Variants in PKD2L2 observed in about 807,000 individuals in gnomAD.
The protein encoded by PKD2L2 is polycystin-2-like protein 2.
A neutral mutation model predicts 83.9 loss-of-function variants in PKD2L2; 67 were observed. The ratio of observed to expected loss-of-function variants is 0.80; its 90% CI spans 0.66 to 0.98. The LOEUF is 0.98. Among genes scored for constraint, PKD2L2 ranks in the 50% least tolerant of loss-of-function variants. The pLI, the probability that PKD2L2 is intolerant of heterozygous loss-of-function variation, is 0.00. For missense variants in PKD2L2, 632 were observed against 717.2 expected (o/e 0.88, Z 1.36); for synonymous variants, 223 against 237.8 (o/e 0.94, Z 0.57).
chr5:137,899,837 A>T (rs1344168683), intron 5 of PKD2L2, 100 bp downstream of exon 5: 5 of 593,388 alleles, frequency 8.4e-6, no homozygotes, highest in Non-Finnish European at 1.5e-5. Context: ...TTTGAACTGC[A>T]CAGGTCCACT....
intron 8 of PKD2L2, 62 bp downstream of exon 8, chr5:137,909,008 G>A (rs970599708): frequency 1.1e-5 from 10 of 896,580 alleles, no homozygotes; most frequent in African/African-American, 3.4e-5. Context: ...AAATTGGAAA[G>A]GTCTAACCTT....
Position 137,894,490 on chromosome 5 carries a change from A to C in PKD2L2, c.405A>C (p.Lys135Asn). ...GAGTTCCCAGAGTTCGTCAACTAAA[A>C]GTCCGCAACAACACATGCAAAGTCT... The part of the protein sequence containing the change: ...LLGVPRVRQL[K>N]VRNNTCKVYS... Residue 135 changes from lysine (K) to asparagine (N), a missense_variant, in exon 4 of 15, where the codon AAA becomes AAC. Physicochemically the swap from Lys to Asn is moderately conservative, Grantham distance 94. This residue lies in a region of PKD2L2 where 229 missense variants were observed against 281.5 expected (regional missense o/e 0.81). Transcript: ENST00000508883. 1 of 1,614,080 alleles carries C rather than the reference A, an allele frequency of 6.2e-7. No individual in the cohort carries two copies. The highest frequency in any genetic ancestry group is 8.5e-7 in the Non-Finnish European group (1 of 1,179,966).
chr5:137,897,893 A>G (rs957142339), intron 4 of PKD2L2, among the ~76,000 whole-genome samples: 8 of 152,156 alleles, frequency 5.3e-5, no homozygotes, highest in Admixed American at 3.3e-4. Flanking sequence ...GAGAGACTGA[A>G]ATGAGGAATC....
intron 14 of PKD2L2, chr5:137,940,529 T>G (rs1761371135): frequency 1.8e-6 from 1 of 545,922 alleles, no homozygotes; most frequent in Admixed American, 3.6e-5. Flanking sequence ...ACTTCTAAAA[T>G]TTTTGATGGA....
At chr5:137,903,270 T>C (rs188959126) in intron 5 of PKD2L2, among the ~76,000 whole-genome samples, 1 of 152,314 alleles carries the variant, frequency 6.6e-6, no homozygotes, top group African/African-American at 2.4e-5. Context: ...ACAAACTCAT[T>C]TCAAGTTTCT....
chr5:137,907,655 G>T (rs983694748), intron 6 of PKD2L2, 87 bp from the exon 7 acceptor site: 18 of 728,686 alleles, frequency 2.5e-5, no homozygotes, highest in Non-Finnish European at 2.1e-6. Flanking sequence ...AACTTTTGAT[G>T]AACTTTTTTT....
chr5:137,894,246 C>A, intron 3 of PKD2L2, 107 bp from the exon 4 acceptor site: 1 of 980,912 alleles, frequency 1.0e-6, no homozygotes, highest in Non-Finnish European at 1.5e-6. Context: ...GTAGCTTGGT[C>A]AATAGTTTGA....
chr5:137,890,484 C>T lies in PKD2L2; in HGVS notation c.35C>T (p.Ala12Val). 1 of 1,560,338 alleles carries T rather than the reference C, an allele frequency of 6.4e-7. No homozygotes were observed. Among genetic ancestry groups the T allele is most frequent in the Non-Finnish European group, 8.7e-7 (1 of 1,147,414 alleles). Residue 12 changes from alanine to valine, a missense_variant, in exon 2 of 15, where the codon GCT (alanine) becomes GTT (valine). Around this residue, in one of 3 missense-constraint regions of PKD2L2, gnomAD observed 229 missense variants for 281.5 expected, o/e 0.81. Coordinates refer to ENST00000508883, the MANE Select transcript of PKD2L2 (RefSeq NM_001300921.2). ...AEASRWHRGG[A>V]SKHKLHYRKE... ...AATTTTGTCTTATATCTCACAGGGG[C>T]TTCGAAACATAAGTTGCATTACAGA... is the stretch of plus-strand genomic sequence containing the variant.
intron 4 of PKD2L2, among the ~76,000 whole-genome samples, chr5:137,897,145 C>T (rs1756553595): frequency 6.6e-6 from 1 of 151,038 alleles, no homozygotes; most frequent in Admixed American, 6.6e-5. Context: ...CAGCCTTGAC[C>T]TCCGGGGCTC....
Position 137,925,859 on chromosome 5 carries a change from T to A in PKD2L2, c.1617-16T>A. Reference sequence around the variant, plus strand: ...ATTGTCATTTGCCTCTGACTTTTATTTTATATTCTCAATAGCAAAGGCAGC... The same window carrying A: ...ATTGTCATTTGCCTCTGACTTTTATATTATATTCTCAATAGCAAAGGCAGC... On this transcript the variant is annotated splice_polypyrimidine_tract_variant and intron_variant, in intron 11 of 14. Coordinates refer to ENST00000508883, the MANE Select transcript of PKD2L2 (RefSeq NM_001300921.2). 1 of 1,564,896 alleles carries A rather than the reference T, an allele frequency of 6.4e-7. No individual in the cohort carries two copies. The highest frequency in any genetic ancestry group is 1.4e-5 in the African/African-American group (1 of 74,006).
Position 137,899,568 on chromosome 5 carries a change from G to A in PKD2L2, c.577G>A (p.Gly193Ser), listed in dbSNP as rs1473180771. ...CTCCCCTTGGCACTGGGGATTTCTT[G>A]GTGTTTACCGAAATGGGGGATACAT... ...TNSPWHWGFLGVYRNGGYIFT... is the reference protein window; with the variant it reads ...TNSPWHWGFLSVYRNGGYIFT... The change falls in exon 5 of 15, where the codon GGT becomes AGT. Residue 193 changes from glycine to serine, a missense_variant. Gly to Ser is a moderately conservative substitution (Grantham distance 56). This residue lies in a region of PKD2L2 where 229 missense variants were observed against 281.5 expected (regional missense o/e 0.81). Transcript: ENST00000508883. 2 of 1,613,656 alleles carry A rather than the reference G, an allele frequency of 1.2e-6. No individual in the cohort carries two copies. Among genetic ancestry groups the A allele is most frequent in the South Asian group, 2.2e-5 (2 of 91,058 alleles).
At chr5:137,939,755 G>T (rs1170629736) in intron 14 of PKD2L2, 20 of 672,170 alleles carry the variant, frequency 3.0e-5, no homozygotes. Flanking sequence ...GAACACAGTT[G>T]CGTATGTGCA....
intron 12 of PKD2L2, among the ~76,000 whole-genome samples, chr5:137,928,788 T>C (rs907087192): frequency 6.6e-6 from 1 of 152,210 alleles, no homozygotes; most frequent in African/African-American, 2.4e-5. Flanking sequence ...CAGGCTGGCC[T>C]TGAACTTCTG....
At chr5:137,918,424 G>A (rs1023741097) in intron 8 of PKD2L2, among the ~76,000 whole-genome samples, 3 of 152,208 alleles carry the variant, frequency 2.0e-5, no homozygotes, top group South Asian at 4.1e-4. Flanking sequence ...GCTGAAGGAC[G>A]ATGGTCTTGC....
chr5:137,925,956 A>G, intron 12 of PKD2L2, 27 bp downstream of exon 12: 1 of 1,356,718 alleles, frequency 7.4e-7, no homozygotes, highest in Non-Finnish European at 1.0e-6. Flanking sequence ...TTTCATAAAC[A>G]CTAGTGGTAG....
intron 12 of PKD2L2, among the ~76,000 whole-genome samples, chr5:137,929,197 C>T (rs763947059): frequency 6.6e-6 from 1 of 152,124 alleles, no homozygotes; most frequent in Non-Finnish European, 1.5e-5. Context: ...CGCAATGGCT[C>T]ATGCCTGTAA....
intron 6 of PKD2L2, among the ~76,000 whole-genome samples, chr5:137,906,886 A>G (rs1040239942): frequency 2.6e-5 from 4 of 152,222 alleles, no homozygotes; most frequent in African/African-American, 9.6e-5. Context: ...AGGGGTGAGC[A>G]GCCAGAGGAG....
intron 8 of PKD2L2, among the ~76,000 whole-genome samples, chr5:137,915,003 ATGC>A (rs1758196429): frequency 6.6e-6 from 1 of 152,132 alleles, no homozygotes; most frequent in African/African-American, 2.4e-5. Context: ...TCCTTTTAAT[ATGC>A]TGTTCAATTT....
At chr5:137,901,389 C>CAG (rs1318454222) in intron 5 of PKD2L2, among the ~76,000 whole-genome samples, 6 of 143,288 alleles carry the variant, frequency 4.2e-5, no homozygotes, top group Non-Finnish European at 7.6e-5. Context: ...GCTTTTAATG[C>CAG]AGACAATAGT....
Sources: gnomAD v4.1 joint callset for allele counts (sites outside exome capture counted in the v4.1 genomes callset) on GRCh38, gnomAD v4.1.1 for gene constraint, gnomAD v4.1.1 regional missense constraint, MANE v1.5 for transcripts, NCBI Gene and HGNC (gene_info 2026-07-23, HGNC 2026-07-21) for gene names.